The following PFDN1 variants were observed in gnomAD, a reference collection of about 807,000 sequenced individuals.
PFDN1 encodes prefoldin 1.
Under a neutral mutation model 17.3 loss-of-function variants are expected in PFDN1, and 6 were observed. The observed-to-expected ratio is 0.35, with a 90% CI of 0.19 to 0.69. The LOEUF is 0.69. Ranked by LOEUF, PFDN1 falls within the 30% of genes least tolerant of loss-of-function variation. PFDN1 has a pLI of 0.65. For missense variants in PFDN1, 113 were observed against 146.2 expected (o/e 0.77, Z 1.17); for synonymous variants, 58 against 50.1 (o/e 1.16, Z -0.67).
rs183956775 is a variant in PFDN1 at position 140,247,244 on chromosome 5, C to T, written c.286-1187G>A. Among the ~76,000 whole-genome samples the T allele has an allele frequency of 9.3e-3, 1,411 of 152,010 alleles. 15 individuals are homozygous for T. The highest frequency in any genetic ancestry group is 0.018 in the South Asian group (86 of 4,810). On this transcript the variant is annotated intron_variant, in intron 3 of 3. Transcript: ENST00000261813. Reference sequence around the variant, plus strand: ...CCCACCTCAGCCCAAGTAGCTGGGACTCTAGGTGCACTGGGACTATAGATG... The same window carrying T: ...CCCACCTCAGCCCAAGTAGCTGGGATTCTAGGTGCACTGGGACTATAGATG...
At chr5:140,256,411 C>T (rs1764985941) in intron 3 of PFDN1, among the ~76,000 whole-genome samples, 1 of 152,014 alleles carries the variant, frequency 6.6e-6, no homozygotes. Context: ...AACCAATACT[C>T]TCATCTCATA....
intron 2 of PFDN1, among the ~76,000 whole-genome samples, chr5:140,300,063 AGAGTCTAGCTCTGCTGCCCAGGCTG>A (rs963044320): frequency 4.0e-5 from 6 of 151,574 alleles, no homozygotes; most frequent in Admixed American, 6.6e-5. Context: ...GTTTTGAGAC[AGAGTCTAGCTCTGCTGCCCAGGCTG>A]GAGTGCAGTG....
chr5:140,289,145 G>A (rs1167456282), intron 2 of PFDN1, among the ~76,000 whole-genome samples: 1 of 151,922 alleles, frequency 6.6e-6, no homozygotes, highest in Non-Finnish European at 1.5e-5. Context: ...AAATTAGCTG[G>A]GTTTGGTGGC....
chr5:140,298,758 C>CTT (rs919204762), intron 2 of PFDN1, among the ~76,000 whole-genome samples: 1 of 145,300 alleles, frequency 6.9e-6, no homozygotes, highest in African/African-American at 2.5e-5. Flanking sequence ...GTATTTTTTA[C>CTT]TTTTTTTTTT....
At chr5:140,296,412 C>T (rs1581099591) in intron 2 of PFDN1, among the ~76,000 whole-genome samples, 2 of 151,956 alleles carry the variant, frequency 1.3e-5, no homozygotes, top group African/African-American at 4.8e-5. Context: ...CTGGGAAGAC[C>T]GACCCATTTA....
At chr5:140,246,323 AG>A (rs571574582) in intron 3 of PFDN1, among the ~76,000 whole-genome samples, 6 of 152,356 alleles carry the variant, frequency 3.9e-5, no homozygotes, top group Non-Finnish European at 8.8e-5. Context: ...TTCCCCCAGA[AG>A]GAAGAAGACT....
chr5:140,288,199 T>A (rs1765526391), intron 2 of PFDN1, among the ~76,000 whole-genome samples: 1 of 152,160 alleles, frequency 6.6e-6, no homozygotes, highest in South Asian at 2.1e-4. Context: ...TGTCAGTACA[T>A]CCATACAATA....
At chr5:140,293,769 A>T (rs1023548556) in intron 2 of PFDN1, among the ~76,000 whole-genome samples, 3 of 152,078 alleles carry the variant, frequency 2.0e-5, no homozygotes, top group African/African-American at 7.2e-5. Context: ...TAAGGAAATT[A>T]AGAATATGAC....
intron 2 of PFDN1, among the ~76,000 whole-genome samples, chr5:140,299,329 G>C (rs1330444902): frequency 6.6e-6 from 1 of 152,180 alleles, no homozygotes; most frequent in Non-Finnish European, 1.5e-5. Context: ...TTGAGGCCAG[G>C]GGCGGTGGCT....
intron 3 of PFDN1, among the ~76,000 whole-genome samples, chr5:140,256,946 G>A (rs1264116446): frequency 2.0e-5 from 3 of 152,074 alleles, no homozygotes; most frequent in South Asian, 4.2e-4. Flanking sequence ...TGGGCCAGGC[G>A]TGGTGGCTCA....
rs372618910 is a variant in PFDN1 at position 140,286,598 on chromosome 5, G to C, written c.201-5065C>G. On this transcript the variant is annotated intron_variant, in intron 2 of 3. Transcript: ENST00000261813. ...CTCTTGAATCCTCAATTTTTTTTGC[G>C]GGGGGGGGGGGGGGGGGGGGGGCGG... 4.2e-4 allele frequency among the ~76,000 whole-genome samples: 3 copies of C among 7,166 alleles called. 1 individual carries two copies. Among genetic ancestry groups the C allele is most frequent in the Non-Finnish European group, 1.9e-3 (3 of 1,584 alleles). 4.7% of individuals were successfully genotyped at this position (7,166 alleles called of 152,430 possible).
In PFDN1 at chr5:140,301,481, A is replaced by G. The variant is rs558438581; in HGVS notation, c.34-899T>C. Among the ~76,000 whole-genome samples the G allele has an allele frequency of 1.2e-3, 186 of 152,312 alleles. 2 individuals carry two copies. Among genetic ancestry groups the G allele is most frequent in the Non-Finnish European group, 2.1e-4 (14 of 68,008 alleles). ...AACATCTGTGACTGCAATGCACAGC[A>G]AAGGCTACTACATAATTTTTATTGT... is the stretch of plus-strand genomic sequence containing the variant. On this transcript the variant is annotated intron_variant, in intron 1 of 3. Transcript: ENST00000261813.
At chr5:140,274,447 A>T (rs886607948) in intron 3 of PFDN1, among the ~76,000 whole-genome samples, 2 of 152,186 alleles carry the variant, frequency 1.3e-5, no homozygotes, top group Admixed American at 1.3e-4. Flanking sequence ...AGTATTTTTT[A>T]AAAATAGAAA....
intron 3 of PFDN1, among the ~76,000 whole-genome samples, chr5:140,253,878 A>T (rs930473852): frequency 5.9e-5 from 9 of 152,216 alleles, no homozygotes; most frequent in African/African-American, 2.2e-4. Flanking sequence ...CGAACTTATT[A>T]GAAGGGCATA....
At chr5:140,259,047 G>T (rs943722391) in intron 3 of PFDN1, among the ~76,000 whole-genome samples, 2 of 152,166 alleles carry the variant, frequency 1.3e-5, no homozygotes, top group East Asian at 3.8e-4. Context: ...CTAAAAAGGA[G>T]GGAAATGTGT....
At chr5:140,297,340 T>C (rs1451357317) in intron 2 of PFDN1, among the ~76,000 whole-genome samples, 1 of 152,186 alleles carries the variant, frequency 6.6e-6, no homozygotes, top group African/African-American at 2.4e-5. Context: ...CCAAAATTAC[T>C]CGACTATAAA....
Position 140,245,444 on chromosome 5 carries a change from G to C in PFDN1, c.*530C>G. ...AACATCTGTTCTTTCTTCCTCTTCT[G>C]TCTACTGCATGCAGGCCCGGAAGCT... On this transcript the variant is annotated 3_prime_UTR_variant, in exon 4 of 4. Transcript: ENST00000261813. 2.8e-6 allele frequency: 2 copies of C among 702,576 alleles called. No homozygotes were observed. Among genetic ancestry groups the C allele is most frequent in the Non-Finnish European group, 5.2e-6 (2 of 384,978 alleles). The allele number at this position is 702,576 out of a possible 1,614,324, so 43.5% of individuals were successfully genotyped here.
In PFDN1 at chr5:140,245,779, T is replaced by TG. The variant is rs954573189; in HGVS notation, c.*194dup. ...GAGGGAAGAGTGTCCTGGGCAGAGG[T>TG]GGCAGGCAAAGCCGGGTAAAAACTC... On this transcript the variant is annotated 3_prime_UTR_variant, in exon 4 of 4. Coordinates refer to ENST00000261813, the MANE Select transcript of PFDN1 (RefSeq NM_002622.5). 6.5e-6 allele frequency: 4 copies of TG among 612,036 alleles called. No homozygotes were observed. Among genetic ancestry groups the TG allele is most frequent in the African/African-American group, 5.5e-5 (3 of 54,102 alleles). The allele number at this position is 612,036 out of a possible 1,614,324, so 37.9% of individuals were successfully genotyped here.
chr5:140,259,800 G>C (rs572181588), intron 3 of PFDN1, among the ~76,000 whole-genome samples: 10 of 152,194 alleles, frequency 6.6e-5, no homozygotes, highest in South Asian at 4.1e-4. Flanking sequence ...AGTCAATCCT[G>C]ATCCTGCTGT....
Sources: allele counts gnomAD v4.1 joint callset (sites outside exome capture counted in the v4.1 genomes callset), GRCh38; gene constraint gnomAD v4.1.1; transcripts MANE v1.5; gene names NCBI Gene and HGNC (gene_info 2026-07-23, HGNC 2026-07-21).